RCN1: variants seen among roughly 807,000 people sequenced by gnomAD.
RCN1 encodes the protein reticulocalbin 1, also known as reticulocalbin-1.
A neutral mutation model predicts 34.7 loss-of-function variants in RCN1; 14 were observed. The ratio of observed to expected loss-of-function variants is 0.40; its 90% CI spans 0.27 to 0.63. The LOEUF is 0.63. RCN1 is among the 30% of genes least tolerant of loss of function. The pLI is 0.37. For synonymous variants in RCN1, 125 were observed against 165.5 expected (o/e 0.76, Z 1.88); for missense variants, 326 against 425.1 (o/e 0.77, Z 2.05).
chr11:32,091,472 C>CGTGGGGGGCGGCGCAGGTGT, intron 1 of RCN1, 22 bp downstream of exon 1: 2 of 1,537,126 alleles, frequency 1.3e-6, no homozygotes, highest in Non-Finnish European at 1.8e-6. Flanking sequence ...GCCAGGGCCC[C>CGTGGGGGGCGGCGCAGGTGT]GTGGGGGGCG....
At chr11:32,097,444 G>A in intron 2 of RCN1, 107 bp downstream of exon 2, 1 of 732,174 alleles carries the variant, frequency 1.4e-6, no homozygotes, top group Non-Finnish European at 2.1e-6. Flanking sequence ...AGATGTCACA[G>A]CCTCCTAAGT....
At chr11:32,098,223 A>C (rs1851994574) in intron 2 of RCN1, 127 bp from the exon 3 acceptor site, 2 of 734,570 alleles carry the variant, frequency 2.7e-6, no homozygotes, top group African/African-American at 3.6e-5. Context: ...TGTTTTAAAG[A>C]ACTCAGTAGG....
intron 4 of RCN1, chr11:32,102,758 T>C (rs934618839): frequency 3.1e-6 from 1 of 321,322 alleles, no homozygotes; most frequent in African/African-American, 2.3e-5. Context: ...CTTTACCTCA[T>C]TGTTTTCATC....
chr11:32,103,150 G>A, intron 4 of RCN1, 131 bp from the exon 5 acceptor site: 1 of 730,436 alleles, frequency 1.4e-6, no homozygotes, highest in Non-Finnish European at 2.4e-6. Flanking sequence ...CTGCCTACCA[G>A]CTGTTTGAGT....
At chr11:32,091,679 C>G in intron 1 of RCN1, 2 of 514,520 alleles carry the variant, frequency 3.9e-6, no homozygotes, top group Non-Finnish European at 6.5e-6. Flanking sequence ...TGGTTTCTCG[C>G]GGGGAGGCGA....
At chr11:32,104,173 T>G (rs1296458951) in intron 5 of RCN1, among the ~76,000 whole-genome samples, 192 bp from the exon 6 acceptor site, 1 of 152,202 alleles carries the variant, frequency 6.6e-6, no homozygotes, top group Non-Finnish European at 1.5e-5. Context: ...AGCACGGTTT[T>G]TATAGCAAGA....
At chr11:32,091,603 G>A (rs1851922787) in intron 1 of RCN1, 153 bp downstream of exon 1, 2 of 993,980 alleles carry the variant, frequency 2.0e-6, no homozygotes, top group Non-Finnish European at 2.8e-6. Context: ...CTGGGGCTCA[G>A]GCTAACTTGC....
chr11:32,093,408 A>G (rs966351659), intron 1 of RCN1, among the ~76,000 whole-genome samples: 1 of 152,220 alleles, frequency 6.6e-6, no homozygotes, highest in Non-Finnish European at 1.5e-5. Context: ...AAGCACAGAC[A>G]AACTAGCCAT....
At chr11:32,100,439 A>AGGT in intron 3 of RCN1, 109 bp from the exon 4 acceptor site, 1 of 861,642 alleles carries the variant, frequency 1.2e-6, no homozygotes, top group Non-Finnish European at 1.9e-6. Context: ...ATGAGCCAGA[A>AGGT]GTCACCAAGC....
Position 32,093,539 on chromosome 11 carries a change from A to G in RCN1, c.254+2089A>G, listed in dbSNP as rs116938806. Among the ~76,000 whole-genome samples the G allele has an allele frequency of 5.9e-3, 896 of 152,288 alleles. 6 individuals are homozygous for G. Among genetic ancestry groups the G allele is most frequent in the Non-Finnish European group, 9.1e-3 (619 of 68,026 alleles). On this transcript the variant is annotated intron_variant, in intron 1 of 5. Transcript: ENST00000054950. ...GGGCTGTCACCTGATCAGAGTTTGT[A>G]GGATGACTTGGAGGTTGCCAGGTGT... is the stretch of plus-strand genomic sequence containing the variant.
chr11:32,103,424 T>C lies in RCN1; in HGVS notation c.832T>C (p.Tyr278His), dbSNP rs1565351745. Residue 278 changes from tyrosine (Y) to histidine (H), a missense_variant, in exon 5 of 6, where the codon TAT becomes CAT. Physicochemically the swap from Tyr to His is moderately conservative, Grantham distance 83 (BLOSUM62 2). Coordinates refer to ENST00000054950, the MANE Select transcript of RCN1 (RefSeq NM_002901.4). ...EIRHWILPQDYDHAQAEARHL... is the reference protein window; with the variant it reads ...EIRHWILPQDHDHAQAEARHL... ...TCGCCACTGGATCCTCCCTCAAGAT[T>C]ATGATCATGCACAGGCTGAGGCCAG... 1 of 1,613,986 alleles carries C rather than the reference T, an allele frequency of 6.2e-7. No homozygotes were observed. Among genetic ancestry groups the C allele is most frequent in the Non-Finnish European group, 8.5e-7 (1 of 1,179,832 alleles).
In RCN1 at chr11:32,104,767, G is replaced by A; in HGVS notation, c.*295G>A. 3.8e-6 allele frequency: 1 copy of A among 266,664 alleles called. No homozygotes were observed. The highest frequency in any genetic ancestry group is 5.2e-5 in the Admixed American group (1 of 19,254). 16.5% of individuals were successfully genotyped at this position (266,664 alleles called of 1,614,324 possible). On this transcript the variant is annotated 3_prime_UTR_variant, in exon 6 of 6. Coordinates refer to ENST00000054950, the MANE Select transcript of RCN1 (RefSeq NM_002901.4). Reference sequence around the variant, plus strand: ...TTTTTTTCTATTAAAACTTAAAGGGGAACAAAACTTGAAAAAGCCCTGTTC... The same window carrying A: ...TTTTTTTCTATTAAAACTTAAAGGGAAACAAAACTTGAAAAAGCCCTGTTC...
At position 32,100,542 on chromosome 11, in the gene RCN1, T is replaced by C; in HGVS notation, c.628-6T>C. The C allele has an allele frequency of 6.2e-7, 1 of 1,613,258 alleles. No homozygotes were observed. The highest frequency in any genetic ancestry group is 2.2e-5 in the East Asian group (1 of 44,886). On this transcript the variant is annotated splice_region_variant and splice_polypyrimidine_tract_variant and intron_variant, in intron 3 of 5. Transcript: ENST00000054950. The stretch of plus-strand genomic sequence containing the variant: ...CTTGCATTCTGTTTTACCTTTTGCT[T>C]CCTAGGAAACCCTGGAGGACATCGA...
chr11:32,104,293 G>C lies in RCN1; in HGVS notation c.889-72G>C, dbSNP rs1203047740. ...TTTAAATGTTGTACATCAGTGAAAT[G>C]ACATGAACATCATACAGAACTAGTA... On this transcript the variant is annotated intron_variant, in intron 5 of 5. Transcript: ENST00000054950. 4 of 887,542 alleles carry C rather than the reference G, an allele frequency of 4.5e-6. No homozygotes were observed. In the East Asian group the frequency reaches 1.0e-4, roughly 22 times the overall value. The allele number at this position is 887,542 out of a possible 1,614,324, so 55.0% of individuals were successfully genotyped here.
chr11:32,091,337 G>A lies in RCN1; in HGVS notation c.141G>A (p.Glu47=). The A allele has an allele frequency of 6.5e-7, 1 of 1,548,368 alleles. No homozygotes were observed. The highest frequency in any genetic ancestry group is 8.7e-7 in the Non-Finnish European group (1 of 1,146,298). The stretch of plus-strand genomic sequence containing the variant: ...TGCGGCCCGACTCGGAGCTGGGCGA[G>A]CGGCCCCCTGAGGACAACCAGAGCT... ...RVVRPDSELG[E]RPPEDNQSFQ... The change falls in exon 1 of 6, where the codon GAG becomes GAA. Residue 47 remains glutamate, a synonymous_variant. Coordinates refer to ENST00000054950, the MANE Select transcript of RCN1 (RefSeq NM_002901.4).
At chr11:32,094,056 G>T (rs1851946344) in intron 1 of RCN1, among the ~76,000 whole-genome samples, 1 of 152,186 alleles carries the variant, frequency 6.6e-6, no homozygotes, top group South Asian at 2.1e-4. Flanking sequence ...TCACTTGTAG[G>T]TTAAATGTGG....
chr11:32,095,384 C>G (rs1851961569), intron 1 of RCN1, among the ~76,000 whole-genome samples: 1 of 151,230 alleles, frequency 6.6e-6, no homozygotes. Flanking sequence ...GTAGCTGGAG[C>G]TACAGGCATG....
intron 4 of RCN1, 54 bp from the exon 5 acceptor site, chr11:32,103,227 G>A: frequency 1.3e-6 from 2 of 1,535,958 alleles, no homozygotes; most frequent in Admixed American, 3.3e-5. Context: ...ATGGGGGTGG[G>A]GGAGGTTTAC....
chr11:32,097,660 C>G (rs1383929775), intron 2 of RCN1, among the ~76,000 whole-genome samples: 2 of 152,174 alleles, frequency 1.3e-5, no homozygotes, highest in African/African-American at 4.8e-5. Context: ...TTTCAAAATG[C>G]TGCCTAATTC....
Sources: allele counts gnomAD v4.1 joint callset (sites outside exome capture counted in the v4.1 genomes callset), GRCh38; gene constraint gnomAD v4.1.1; transcripts MANE v1.5; gene names NCBI Gene and HGNC (gene_info 2026-07-23, HGNC 2026-07-21).